CNBD1: variants seen among roughly 807,000 people sequenced by gnomAD.
The protein encoded by CNBD1 is cyclic nucleotide binding domain containing 1.
CNBD1 carries 71 observed loss-of-function variants against 54.4 expected under a neutral mutation model. The observed-to-expected ratio is 1.30, with a 90% CI of 1.08 to 1.59. The LOEUF is 1.59. Ranked by LOEUF, CNBD1 falls within the 40% of genes most tolerant of loss-of-function variation. The pLI is 0.00. For synonymous variants in CNBD1, 182 were observed against 170.7 expected, an observed-to-expected ratio of 1.07 and a Z score of -0.51; for missense variants, 659 against 518.0, an observed-to-expected ratio of 1.27 and a Z score of -2.64.
downstream of CNBD1, among the ~76,000 whole-genome samples, chr8:87,385,603 TAAAC>T (rs1811166694): frequency 6.6e-6 from 1 of 151,488 alleles, no homozygotes; most frequent in Admixed American, 6.6e-5. Flanking sequence ...CTTGAGTAGG[TAAAC>T]AAAGTGGCTG....
At chr8:87,427,300 T>A (rs560758806) in intron 2 of CNBD1, among the ~76,000 whole-genome samples, 1 of 152,180 alleles carries the variant, frequency 6.6e-6, no homozygotes, top group Non-Finnish European at 1.5e-5. Context: ...TATAAAATTG[T>A]TTCACTGCTT....
At chr8:87,203,535 T>C (rs573529305) in intron 4 of CNBD1, among the ~76,000 whole-genome samples, 2 of 152,356 alleles carry the variant, frequency 1.3e-5, no homozygotes, top group African/African-American at 4.8e-5. Context: ...TCTAGCTGTG[T>C]AACTAGAGAT....
intron 4 of CNBD1, among the ~76,000 whole-genome samples, chr8:86,976,748 T>C (rs1292487054): frequency 3.3e-5 from 5 of 151,962 alleles, no homozygotes; most frequent in African/African-American, 4.8e-5. Context: ...TTCATGTCCT[T>C]AGTTAAATTT....
intron 6 of CNBD1, among the ~76,000 whole-genome samples, chr8:87,273,412 G>C (rs904554272): frequency 2.6e-5 from 4 of 151,898 alleles, no homozygotes; most frequent in African/African-American, 7.3e-5. Flanking sequence ...GAACAGAAAA[G>C]GGAGACTGTT....
Position 87,067,340 on chromosome 8 carries a change from A to G in CNBD1, c.431+127586A>G, listed in dbSNP as rs189307805. 5.3e-3 allele frequency among the ~76,000 whole-genome samples: 806 copies of G among 152,044 alleles called. 4 individuals carry two copies. The highest frequency in any genetic ancestry group is 8.3e-3 in the Non-Finnish European group (565 of 67,852). On this transcript the variant is annotated intron_variant, in intron 4 of 10. Transcript: ENST00000518476. ...CTTAAAAATGCAGTTCCACCCTTAT[A>G]ATTGTGCAGTTATTATTATGGAATT...
intron 3 of CNBD1, among the ~76,000 whole-genome samples, chr8:86,939,215 C>A (rs12678532): frequency 0.53 from 81,084 of 151,728 alleles, 21,875 homozygotes; most frequent in South Asian, 0.6. Flanking sequence ...TAATTTTATC[C>A]TTGGTGCTAA....
intron 2 of CNBD1, among the ~76,000 whole-genome samples, chr8:87,388,376 AG>A (rs1316123186): frequency 1.6e-4 from 5 of 31,614 alleles, no homozygotes; most frequent in African/African-American, 4.9e-4. Context: ...TGAAGAAAAA[AG>A]AGAAGAATCA....
chr8:87,039,704 A>C lies in CNBD1; in HGVS notation c.431+99950A>C, dbSNP rs2949554. ...GAGACCAGAGTTTTGTAATTACTCA[A>C]ATTAGTCTCCTCGAGAATTTGGGGA... On this transcript the variant is annotated intron_variant, in intron 4 of 10. Coordinates refer to ENST00000518476, the MANE Select transcript of CNBD1 (RefSeq NM_173538.3). 3.9e-5 allele frequency among the ~76,000 whole-genome samples: 6 copies of C among 152,110 alleles called. No individual in the cohort carries two copies. In the Middle Eastern group the frequency reaches 0.014, roughly 345 times the overall value.
At chr8:87,066,435 G>A (rs544489707) in intron 4 of CNBD1, among the ~76,000 whole-genome samples, 2 of 152,032 alleles carry the variant, frequency 1.3e-5, no homozygotes, top group South Asian at 4.1e-4. Flanking sequence ...TAATTTTGAA[G>A]TTTCCCTTTT....
chr8:87,410,754 G>A (rs1480143514), intron 2 of CNBD1, among the ~76,000 whole-genome samples: 4 of 152,104 alleles, frequency 2.6e-5, no homozygotes, highest in African/African-American at 4.8e-5. Flanking sequence ...GAAAGGAAGA[G>A]TCAGCTGATG....
At chr8:87,384,784 G>C (rs562693386), downstream of CNBD1, among the ~76,000 whole-genome samples, 2 of 152,216 alleles carry the variant, frequency 1.3e-5, no homozygotes, top group African/African-American at 2.4e-5. Flanking sequence ...CAATAAGATA[G>C]AACAATATAG....
chr8:87,418,401 A>G (rs1266552664), intron 2 of CNBD1, among the ~76,000 whole-genome samples: 1 of 151,978 alleles, frequency 6.6e-6, no homozygotes, highest in Non-Finnish European at 1.5e-5. Context: ...ACAAGTCGAA[A>G]AATTCTTAGA....
intron 4 of CNBD1, among the ~76,000 whole-genome samples, chr8:86,987,279 G>A (rs923555916): frequency 1.3e-5 from 2 of 152,042 alleles, no homozygotes; most frequent in African/African-American, 4.8e-5. Context: ...AACTATAAAT[G>A]AGGTTGTGTT....
chr8:87,216,167 C>A (rs1814207757), intron 5 of CNBD1, among the ~76,000 whole-genome samples: 1 of 152,032 alleles, frequency 6.6e-6, no homozygotes, highest in Non-Finnish European at 1.5e-5. Flanking sequence ...CCAATGGACA[C>A]CAATAATGCA....
At chr8:87,259,659 A>G (rs1808095605) in intron 6 of CNBD1, among the ~76,000 whole-genome samples, 1 of 152,200 alleles carries the variant, frequency 6.6e-6, no homozygotes, top group African/African-American at 2.4e-5. Flanking sequence ...GAACGAGATT[A>G]CTACAATAGT....
chr8:87,243,626 G>A (rs926740384), intron 6 of CNBD1, among the ~76,000 whole-genome samples: 1 of 151,972 alleles, frequency 6.6e-6, no homozygotes, highest in Non-Finnish European at 1.5e-5. Flanking sequence ...TTTTGAAAGT[G>A]GTGTTTTATA....
chr8:87,311,948 G>C (rs545697280), intron 8 of CNBD1, among the ~76,000 whole-genome samples: 2 of 152,132 alleles, frequency 1.3e-5, no homozygotes, highest in South Asian at 4.2e-4. Context: ...CTACCAGAGT[G>C]GGGAGGGAGA....
chr8:86,888,393 C>G (rs1324716919), intron 2 of CNBD1, among the ~76,000 whole-genome samples: 1 of 152,136 alleles, frequency 6.6e-6, no homozygotes, highest in Non-Finnish European at 1.5e-5. Context: ...GCTGCCTCCT[C>G]CTTGCACCCA....
intron 4 of CNBD1, among the ~76,000 whole-genome samples, chr8:86,960,533 C>G (rs1807902563): frequency 6.6e-6 from 1 of 152,170 alleles, no homozygotes; most frequent in African/African-American, 2.4e-5. Context: ...AGCCTGCCTA[C>G]CTCTGTAGAC....
Sources: allele counts gnomAD v4.1 joint callset (sites outside exome capture counted in the v4.1 genomes callset), GRCh38; gene constraint gnomAD v4.1.1; transcripts MANE v1.5; gene names NCBI Gene and HGNC (gene_info 2026-07-23, HGNC 2026-07-21).